Variants in PACSIN2 observed in about 807,000 individuals in gnomAD.
PACSIN2 encodes protein kinase C and casein kinase substrate in neurons 2, also known as protein kinase C and casein kinase substrate in neurons protein 2.
A neutral mutation model predicts 63.8 loss-of-function variants in PACSIN2; 25 were observed. The observed-to-expected ratio is 0.39, with a 90% CI of 0.29 to 0.55. The LOEUF is 0.55. PACSIN2 is among the 20% of genes least tolerant of loss of function. PACSIN2 has a pLI of 0.62. For synonymous variants in PACSIN2, 255 were observed against 256.2 expected (o/e 1.00, Z 0.05); for missense variants, 518 against 646.9 (o/e 0.80, Z 2.16).
intron 1 of PACSIN2, among the ~76,000 whole-genome samples, chr22:42,914,016 C>T (rs1266800040): frequency 2.0e-5 from 3 of 152,228 alleles, no homozygotes; most frequent in Admixed American, 2.0e-4. Flanking sequence ...ACTTCAAAGC[C>T]AAGTCCTCCA....
chr22:42,996,724 G>A (rs950062940), intron 1 of PACSIN2, among the ~76,000 whole-genome samples: 1 of 151,880 alleles, frequency 6.6e-6, no homozygotes, highest in African/African-American at 2.4e-5. Context: ...GAATAGAGAC[G>A]GTCCAGGCCA....
At chr22:42,987,794 A>C (rs1601606985) in intron 1 of PACSIN2, among the ~76,000 whole-genome samples, 1 of 151,538 alleles carries the variant, frequency 6.6e-6, no homozygotes, top group Non-Finnish European at 1.5e-5. Flanking sequence ...TCCGCCTCCC[A>C]AAGTGCTCGG....
chr22:42,876,537 G>A (rs918726226), intron 9 of PACSIN2, among the ~76,000 whole-genome samples: 2 of 152,082 alleles, frequency 1.3e-5, no homozygotes, highest in African/African-American at 4.8e-5. Flanking sequence ...AGGGGCAGGC[G>A]GCTGGAGATG....
chr22:42,893,022 C>T (rs552686949), intron 3 of PACSIN2, among the ~76,000 whole-genome samples: 122 of 152,304 alleles, frequency 8.0e-4, no homozygotes, highest in African/African-American at 2.9e-3. Context: ...GTAATTATTC[C>T]CTTAAAATGT....
At chr22:42,899,529 G>C (rs538174879) in intron 2 of PACSIN2, among the ~76,000 whole-genome samples, 2 of 152,358 alleles carry the variant, frequency 1.3e-5, no homozygotes, top group African/African-American at 4.8e-5. Flanking sequence ...GCAACCACCA[G>C]AGAGTGGGAA....
rs771820316 is a variant in PACSIN2, at chr22:42,888,649, A to G, written c.603T>C (p.Val201=). ...AAACAAGTGTACAGTTTACCTTAAGAACATCTTGCTTGCACTTTTCTATTT... is the reference window on the plus strand; with the variant it reads ...AAACAAGTGTACAGTTTACCTTAAGGACATCTTGCTTGCACTTTTCTATTT... ...QDKIEKCKQD[V]LKTKEKYEKS... is the part of the protein sequence containing the mutation. The change falls in exon 5 of 11, where the codon GTT becomes GTC. Residue 201 remains valine, a synonymous_variant. Coordinates refer to ENST00000263246, the MANE Select transcript of PACSIN2 (RefSeq NM_001184970.3). 3.7e-6 allele frequency: 6 copies of G among 1,614,176 alleles called. No individual in the cohort carries two copies. In the South Asian group the frequency reaches 6.6e-5, roughly 18 times the overall value.
chr22:42,905,623 C>A (rs978637207), intron 2 of PACSIN2, among the ~76,000 whole-genome samples: 1 of 152,232 alleles, frequency 6.6e-6, no homozygotes. Flanking sequence ...TTTGATTTTT[C>A]CCAGTATCGG....
At chr22:42,941,239 T>C (rs1373892007) in intron 1 of PACSIN2, among the ~76,000 whole-genome samples, 1 of 152,244 alleles carries the variant, frequency 6.6e-6, no homozygotes, top group Non-Finnish European at 1.5e-5. Flanking sequence ...TCCTTTTTGT[T>C]GCTAAGTAAT....
chr22:42,890,727 T>G (rs1024985820), intron 4 of PACSIN2, among the ~76,000 whole-genome samples: 2 of 152,060 alleles, frequency 1.3e-5, no homozygotes, highest in African/African-American at 4.8e-5. Context: ...AAAATAAAAA[T>G]AAAAAATTTA....
intron 1 of PACSIN2, among the ~76,000 whole-genome samples, chr22:42,962,996 C>T (rs751354827): frequency 2.0e-5 from 3 of 152,186 alleles, no homozygotes; most frequent in African/African-American, 7.2e-5. Context: ...TACAGCTGCC[C>T]GACCACTCTT....
chr22:42,889,685 T>C (rs1259194643), intron 4 of PACSIN2, among the ~76,000 whole-genome samples: 1 of 151,872 alleles, frequency 6.6e-6, no homozygotes, highest in Non-Finnish European at 1.5e-5. Context: ...ACATCTACCG[T>C]CTACTCCATT....
chr22:42,985,309 T>G (rs142340923), intron 1 of PACSIN2, among the ~76,000 whole-genome samples: 1 of 152,340 alleles, frequency 6.6e-6, no homozygotes, highest in Admixed American at 6.5e-5. Context: ...CACTCCAGCT[T>G]TGGCGACAGA....
rs1928622533 is a variant in PACSIN2 at position 42,876,307 on chromosome 22, C to T, written c.1178G>A (p.Ser393Asn). The T allele has an allele frequency of 1.2e-6, 2 of 1,614,152 alleles. No homozygotes were observed. The highest frequency in any genetic ancestry group is 1.7e-6 in the Non-Finnish European group (2 of 1,179,974). The part of the protein sequence containing the change: ...KNVSSYEKTQ[S>N]YPTDWSDDES... Reference sequence around the variant, plus strand: ...ATCGTCTGACCAGTCGGTGGGATAGCTCTGGGTCTTCTCGTAGCTGCTCAC... The same window carrying T: ...ATCGTCTGACCAGTCGGTGGGATAGTTCTGGGTCTTCTCGTAGCTGCTCAC... Residue 393 changes from serine to asparagine, a missense_variant, in exon 10 of 11, where the codon AGC (serine) becomes AAC (asparagine). Around this residue, in one of 2 missense-constraint regions of PACSIN2, gnomAD observed 507 missense variants for 612.3 expected, o/e 0.83. Transcript: ENST00000263246.
At chr22:42,905,467 C>G (rs1173432974) in intron 2 of PACSIN2, among the ~76,000 whole-genome samples, 3 of 152,270 alleles carry the variant, frequency 2.0e-5, no homozygotes, top group Non-Finnish European at 4.4e-5. Context: ...ATTGGTGCCG[C>G]TGGCCCAGTG....
chr22:42,878,602 C>T (rs1245744176), intron 8 of PACSIN2, among the ~76,000 whole-genome samples: 1 of 152,230 alleles, frequency 6.6e-6, no homozygotes, highest in Non-Finnish European at 1.5e-5. Context: ...CAGTCCTCTC[C>T]TGTCCCTCCC....
At position 42,876,929 on chromosome 22, in the gene PACSIN2, CG is replaced by C; in HGVS notation, c.1109del (p.Thr370ArgfsTer16). Reference protein sequence around the residue: ...SYNPFEDEDDTGSTVSEKDDT... With the variant: ...SYNPFEDEDDXGSTVSEKDDT... ...CGTCCTTCTCACTGACGGTGCTGCC[CG>C]TGTCGTCCTCATCCTCGAAGGGGTT... On this transcript the variant is annotated frameshift_variant, in exon 9 of 11. Coordinates refer to ENST00000263246, the MANE Select transcript of PACSIN2 (RefSeq NM_001184970.3). LOFTEE classifies it high-confidence loss of function. 1 of 1,614,150 alleles carries C rather than the reference CG, an allele frequency of 6.2e-7. No homozygotes were observed. Among genetic ancestry groups the C allele is most frequent in the Non-Finnish European group, 8.5e-7 (1 of 1,180,010 alleles).
At chr22:42,887,842 A>C (rs1236182747) in intron 5 of PACSIN2, among the ~76,000 whole-genome samples, 1 of 152,178 alleles carries the variant, frequency 6.6e-6, no homozygotes, top group Non-Finnish European at 1.5e-5. Flanking sequence ...TCTCCGCTTC[A>C]CAACAGAAAT....
At chr22:42,949,046 A>T (rs1463650402) in intron 1 of PACSIN2, among the ~76,000 whole-genome samples, 1 of 152,176 alleles carries the variant, frequency 6.6e-6, no homozygotes, top group East Asian at 1.9e-4. Flanking sequence ...TAATCCCAGC[A>T]CTTTGGGAGG....
chr22:42,962,778 G>C (rs868307008), intron 1 of PACSIN2, among the ~76,000 whole-genome samples: 2 of 116,396 alleles, frequency 1.7e-5, no homozygotes, highest in Non-Finnish European at 3.5e-5. Flanking sequence ...GTGTGGGCGG[G>C]GGGGGGGGGC....
Sources: allele counts gnomAD v4.1 joint callset (sites outside exome capture counted in the v4.1 genomes callset), GRCh38; gene constraint gnomAD v4.1.1; regional missense constraint gnomAD v4.1.1; transcripts MANE v1.5; gene names NCBI Gene and HGNC (gene_info 2026-07-23, HGNC 2026-07-21).